The following TNRC18 variants were observed in gnomAD, a reference collection of about 807,000 sequenced individuals.
The protein encoded by TNRC18 is trinucleotide repeat containing 18, also known as trinucleotide repeat-containing gene 18 protein.
A neutral mutation model predicts 226.7 loss-of-function variants in TNRC18; 69 were observed. The observed-to-expected ratio is 0.30, with a 90% confidence interval of 0.25 to 0.37. The LOEUF is 0.37. Ranked by LOEUF, TNRC18 falls within the 10% of genes least tolerant of loss-of-function variation. The pLI, the probability that TNRC18 is intolerant of heterozygous loss-of-function variation, is 1.00. For synonymous variants in TNRC18, 2,449 were observed against 1,927.6 expected, an observed-to-expected ratio of 1.27 and a Z score of -7.09; for missense variants, 4,754 against 4,256.6, an observed-to-expected ratio of 1.12 and a Z score of -3.25.
intron 3 of TNRC18, among the ~76,000 whole-genome samples, chr7:5,391,789 G>C (rs1420750651): frequency 6.8e-6 from 1 of 147,870 alleles, no homozygotes; most frequent in Non-Finnish European, 1.5e-5. Context: ...TTGAGCCCAG[G>C]AGTTTGAGAC....
chr7:5,398,241 G>A (rs1173627418), intron 2 of TNRC18, among the ~76,000 whole-genome samples: 1 of 151,910 alleles, frequency 6.6e-6, no homozygotes, highest in African/African-American at 2.4e-5. Context: ...CGCGATCTCG[G>A]CTCACCGCAC....
intron 2 of TNRC18, among the ~76,000 whole-genome samples, chr7:5,410,326 A>AG (rs1781760627): frequency 6.6e-6 from 1 of 151,240 alleles, no homozygotes; most frequent in Non-Finnish European, 1.5e-5. Context: ...AAAAAAAAAA[A>AG]AAAAGAAAAG....
rs189835650 is a variant in TNRC18, at chr7:5,383,376, G to A, written c.2152+4296C>T. The stretch of plus-strand genomic sequence containing the variant: ...CCAGGGCTCCCCTGCACAGGCAGGT[G>A]CATTCTAAGACCCTAATGCCTGAAT... On this transcript the variant is annotated intron_variant, in intron 5 of 29. Coordinates refer to ENST00000430969, the MANE Select transcript of TNRC18 (RefSeq NM_001080495.3). Among the ~76,000 whole-genome samples, 164 of 152,302 alleles carry A rather than the reference G, an allele frequency of 1.1e-3. 1 individual carries two copies. The highest frequency in any genetic ancestry group is 3.6e-3 in the African/African-American group (149 of 41,570).
At position 5,325,121 on chromosome 7, in the gene TNRC18, G is replaced by A. The variant is rs1221981364; in HGVS notation, c.6275C>T (p.Ala2092Val). 1.3e-6 allele frequency: 2 copies of A among 1,550,496 alleles called. No homozygotes were observed. Among genetic ancestry groups the A allele is most frequent in the East Asian group, 2.4e-5 (1 of 40,966 alleles). Residue 2092 changes from alanine to valine, a missense_variant, in exon 20 of 30, where the codon GCC (alanine) becomes GTC (valine). By Grantham distance (64) the Ala-to-Val change is moderately conservative (BLOSUM62 0). Transcript: ENST00000430969. ...LTAAKRSKAK[A>V]KGKEVKKENR... ...CTCCTTCTTCACCTCCTTCCCTTTG[G>A]CCTTGGCTTTGCTCCTTTTGGCAGC...
intron 4 of TNRC18, 26 bp from the exon 5 acceptor site, chr7:5,389,362 T>C (rs1307621928): frequency 4.0e-6 from 5 of 1,245,808 alleles, no homozygotes; most frequent in South Asian, 3.5e-5. Context: ...CAGCAGGCAG[T>C]GAGCGAGCGC....
chr7:5,423,105 A>C (rs1584150521), intron 1 of TNRC18: 1 of 142,774 alleles, frequency 7.0e-6, no homozygotes, highest in Non-Finnish European at 1.6e-5. Context: ...GCTTTTAATT[A>C]AAAACAGCCT....
chr7:5,322,704 C>T (rs1173039180), intron 21 of TNRC18, among the ~76,000 whole-genome samples: 1 of 152,250 alleles, frequency 6.6e-6, no homozygotes, highest in Non-Finnish European at 1.5e-5. Flanking sequence ...CCCTCCCTCT[C>T]CCTGCCCCTG....
intron 18 of TNRC18, among the ~76,000 whole-genome samples, chr7:5,338,818 G>C (rs1219949209): frequency 6.6e-6 from 1 of 151,050 alleles, no homozygotes; most frequent in African/African-American, 2.4e-5. Context: ...TACTTGGGAG[G>C]CTGAGGCAGG....
In TNRC18 at chr7:5,389,264, C is replaced by T; in HGVS notation, c.560G>A (p.Gly187Asp). The change falls in exon 5 of 30, where the codon GGC (glycine) becomes GAC (aspartate). Residue 187 changes from glycine (G) to aspartate (D), a missense_variant. Transcript: ENST00000430969. ...HSHAPSARTP[G>D]GGHSSGAPAK... ...CGGGGCGCCCGAGGAGTGGCCGCCG[C>T]CAGGGGTCCGGGCCGAGGGCGCGTG... 2 of 1,308,932 alleles carry T rather than the reference C, an allele frequency of 1.5e-6. No homozygotes were observed. The highest frequency in any genetic ancestry group is 1.9e-6 in the Non-Finnish European group (2 of 1,030,476). The allele number at this position is 1,308,932 out of a possible 1,614,324, so 81.1% of individuals were successfully genotyped here. A position where few individuals can be genotyped will look rare whatever the true frequency, so the allele number is the denominator to read the frequency against.
rs935786359 is a variant in TNRC18, at chr7:5,390,555, C to G, written c.417G>C (p.Gly139=). 1 of 1,613,358 alleles carries G rather than the reference C, an allele frequency of 6.2e-7. No homozygotes were observed. Among genetic ancestry groups the G allele is most frequent in the African/African-American group, 1.3e-5 (1 of 74,844 alleles). The part of the protein sequence containing the change: ...HLNHLEPPSS[G]SPLLSQLGQP... ...GACCCAGCTGGCTGAGGAGGGGGCTCCCACTGCTGGGGGGCTCCAGGTGGT... is the reference window on the plus strand; with the variant it reads ...GACCCAGCTGGCTGAGGAGGGGGCTGCCACTGCTGGGGGGCTCCAGGTGGT... The change falls in exon 4 of 30, where the codon GGG becomes GGC. Residue 139 remains glycine, a synonymous_variant. Transcript: ENST00000430969.
In TNRC18 at chr7:5,313,278, G is replaced by T. The variant is rs1787472674; in HGVS notation, c.7613C>A (p.Ser2538Tyr). The T allele has an allele frequency of 6.5e-7, 1 of 1,548,612 alleles. No individual in the cohort carries two copies. The highest frequency in any genetic ancestry group is 8.7e-7 in the Non-Finnish European group (1 of 1,146,626). Residue 2538 changes from serine (S) to tyrosine (Y), a missense_variant, in exon 27 of 30, where the codon TCT (serine) becomes TAT (tyrosine). By Grantham distance (144) the Ser-to-Tyr change is moderately radical. Coordinates refer to ENST00000430969, the MANE Select transcript of TNRC18 (RefSeq NM_001080495.3). ...CTTGTCTGGGCTCTTGGGGTTCCCAGAGTCCTCGAACGTGAGCCCCGGCCC... is the reference window on the plus strand; with the variant it reads ...CTTGTCTGGGCTCTTGGGGTTCCCATAGTCCTCGAACGTGAGCCCCGGCCC... ...EPGPGLTFED[S>Y]GNPKSPDKAQ...
At chr7:5,345,517 GCCCCTCCC>G in intron 18 of TNRC18, 37 bp downstream of exon 18, 2 of 377,744 alleles carry the variant, frequency 5.3e-6, no homozygotes, top group South Asian at 4.4e-5. Context: ...AATGGCGTCC[GCCCCTCCC>G]ACCCACCCCC....
chr7:5,344,772 C>G (rs190062186), intron 18 of TNRC18, among the ~76,000 whole-genome samples: 48 of 152,214 alleles, frequency 3.2e-4, no homozygotes, highest in African/African-American at 1.1e-3. Context: ...ATCTCCGGCA[C>G]TGACCCCAGC....
chr7:5,385,228 T>A (rs1779674878), intron 5 of TNRC18, among the ~76,000 whole-genome samples: 1 of 152,194 alleles, frequency 6.6e-6, no homozygotes, highest in South Asian at 2.1e-4. Flanking sequence ...GGCTCACGCC[T>A]GTAATCCCAG....
rs1204455527 is a variant in TNRC18, at chr7:5,312,286, T to C, written c.8388+217A>G. Among the ~76,000 whole-genome samples, 4 of 152,190 alleles carry C rather than the reference T, an allele frequency of 2.6e-5. No homozygotes were observed. Among genetic ancestry groups the C allele is most frequent in the African/African-American group, 9.7e-5 (4 of 41,442 alleles). On this transcript the variant is annotated intron_variant, in intron 27 of 29. Transcript: ENST00000430969. The surrounding 1 kb of genome is among the most constrained non-coding windows in gnomAD (Gnocchi z 6.3). ...TCCCGGGACCAGAGGGCAGGACCAC[T>C]CTGCTCTGAAGGACTCGGGCATCGG...
intron 24 of TNRC18, among the ~76,000 whole-genome samples, chr7:5,316,776 C>T (rs569557354): frequency 6.6e-6 from 1 of 152,186 alleles, no homozygotes; most frequent in Admixed American, 6.5e-5. Flanking sequence ...CCGGGATGAA[C>T]GTGCAGGAAC....
intron 2 of TNRC18, among the ~76,000 whole-genome samples, chr7:5,414,278 C>A (rs779633036): frequency 2.6e-5 from 4 of 151,362 alleles, no homozygotes; most frequent in Admixed American, 6.6e-5. Flanking sequence ...ACTTGATGTA[C>A]CATCGTCTCC....
chr7:5,415,518 C>A (rs1241091303), intron 2 of TNRC18, among the ~76,000 whole-genome samples: 1 of 151,528 alleles, frequency 6.6e-6, no homozygotes, highest in Non-Finnish European at 1.5e-5. Context: ...GCTGGGATTA[C>A]AGGCACCCGC....
At chr7:5,420,532 CCGTACTCCCGCATCCCCCGG>C (rs745708683) in intron 2 of TNRC18, 246 of 445,236 alleles carry the variant, frequency 5.5e-4, no homozygotes, top group East Asian at 3.0e-3. Context: ...GCTGGGGTCA[CCGTACTCCCGCATCCCCCGG>C]CGTACTCCCG....
Sources: allele counts gnomAD v4.1 joint callset (sites outside exome capture counted in the v4.1 genomes callset), GRCh38; gene constraint gnomAD v4.1.1; non-coding constraint Gnocchi (gnomAD v3.1); transcripts MANE v1.5; gene names NCBI Gene and HGNC (gene_info 2026-07-23, HGNC 2026-07-21).